JAKMIP1: variants seen among roughly 807,000 people sequenced by gnomAD.
JAKMIP1 encodes the protein janus kinase and microtubule interacting protein 1.
JAKMIP1 carries 33 observed loss-of-function variants against 113.0 expected under a neutral mutation model. The observed-to-expected ratio is 0.29, with a 90% CI of 0.22 to 0.39. The LOEUF is 0.39. Among genes scored for constraint, JAKMIP1 ranks in the 10% least tolerant of loss-of-function variants. The pLI is 1.00. For synonymous variants in JAKMIP1, 480 were observed against 459.9 expected (o/e 1.04, Z -0.56); for missense variants, 813 against 1,080.5 (o/e 0.75, Z 3.47).
In JAKMIP1 at chr4:6,126,193, A is replaced by G. The variant is rs528266566; in HGVS notation, c.-147-13196T>C. Among the ~76,000 whole-genome samples, 6 of 150,476 alleles carry G rather than the reference A, an allele frequency of 4.0e-5. No homozygotes were observed. The East Asian group carries it at 9.9e-4, about 25-fold the overall frequency. On this transcript the variant is annotated intron_variant, in intron 1 of 20. Coordinates refer to ENST00000409021, the MANE Select transcript of JAKMIP1 (RefSeq NM_001099433.2). ...GCAAACGCACACCATGCAGAAACAC[A>G]CATACACAAACACACACCATGCGGA...
Position 6,069,591 on chromosome 4 carries a change from G to T in JAKMIP1, c.1303-4583C>A, listed in dbSNP as rs1004446132. 3.3e-5 allele frequency among the ~76,000 whole-genome samples: 5 copies of T among 151,942 alleles called. No homozygotes were observed. Among genetic ancestry groups the T allele is most frequent in the Non-Finnish European group, 5.9e-5 (4 of 67,976 alleles). ...TAGTGAGAATCCATCTCTACAAAAA[G>T]TTATTTAAAAAGTTAGCCGAGTATG... is the stretch of plus-strand genomic sequence containing the variant. On this transcript the variant is annotated intron_variant, in intron 8 of 20. Coordinates refer to ENST00000409021, the MANE Select transcript of JAKMIP1 (RefSeq NM_001099433.2). This position sits in a 1 kb window ranked among gnomAD's most constrained non-coding sequence, Gnocchi z 4.5.
Position 6,088,236 on chromosome 4 carries a change from C to T in JAKMIP1, c.625-2607G>A, listed in dbSNP as rs917818911. ...GCAATAAACATAATAAATAAGCAGACATTGTAGTGATTGAGAGTGATTTGT... is the reference window on the plus strand; with the variant it reads ...GCAATAAACATAATAAATAAGCAGATATTGTAGTGATTGAGAGTGATTTGT... On this transcript the variant is annotated intron_variant, in intron 3 of 20. Coordinates refer to ENST00000409021, the MANE Select transcript of JAKMIP1 (RefSeq NM_001099433.2). This position sits in a 1 kb window ranked among gnomAD's most constrained non-coding sequence, Gnocchi z 5.5. 7.2e-5 allele frequency among the ~76,000 whole-genome samples: 11 copies of T among 152,070 alleles called. No homozygotes were observed. Among genetic ancestry groups the T allele is most frequent in the Admixed American group, 2.0e-4 (3 of 15,258 alleles).
Position 6,084,826 on chromosome 4 carries a change from T to C in JAKMIP1, c.954+20A>G, listed in dbSNP as rs1336294056. On this transcript the variant is annotated intron_variant, in intron 5 of 20. Coordinates refer to ENST00000409021, the MANE Select transcript of JAKMIP1 (RefSeq NM_001099433.2). Reference sequence around the variant, plus strand: ...TCCTTGCACCCTATGAGGCACCGCCTGTCTCTTGGGGCTACTTACCAGTTC... The same window carrying C: ...TCCTTGCACCCTATGAGGCACCGCCCGTCTCTTGGGGCTACTTACCAGTTC... The C allele has an allele frequency of 1.9e-6, 3 of 1,607,372 alleles. No homozygotes were observed. Among genetic ancestry groups the C allele is most frequent in the African/African-American group, 2.7e-5 (2 of 74,446 alleles).
At position 6,157,523 on chromosome 4, in the gene JAKMIP1, T is replaced by C. The variant is rs1382987330; in HGVS notation, c.-148+42730A>G. On this transcript the variant is annotated intron_variant, in intron 1 of 20. Transcript: ENST00000409021. This position sits in a 1 kb window ranked among gnomAD's most constrained non-coding sequence, Gnocchi z 4.7. ...TCAGCGTACACTTTCCGTAACACCTTTTTTGACTAAGAATCCATCATTTTC... is the reference window on the plus strand; with the variant it reads ...TCAGCGTACACTTTCCGTAACACCTCTTTTGACTAAGAATCCATCATTTTC... Among the ~76,000 whole-genome samples the C allele has an allele frequency of 6.6e-6, 1 of 152,216 alleles. No individual in the cohort carries two copies. The highest frequency in any genetic ancestry group is 2.4e-5 in the African/African-American group (1 of 41,460).
intron 17 of JAKMIP1, among the ~76,000 whole-genome samples, chr4:6,041,240 G>A (rs1034682357): frequency 2.0e-5 from 3 of 152,166 alleles, no homozygotes; most frequent in Admixed American, 1.3e-4. Context: ...TGACTGATTT[G>A]AGGGTTTCAG....
chr4:6,118,261 G>C (rs1238503262), intron 1 of JAKMIP1, among the ~76,000 whole-genome samples: 2 of 152,156 alleles, frequency 1.3e-5, no homozygotes, highest in East Asian at 3.9e-4. Context: ...CTCCGTTTGG[G>C]GTCCCTGACT....
At chr4:6,079,458 TTTTCTAGAA>T (rs1295805380) in intron 7 of JAKMIP1, among the ~76,000 whole-genome samples, 3 of 152,092 alleles carry the variant, frequency 2.0e-5, no homozygotes, top group African/African-American at 7.2e-5. Context: ...AATCAAAGCC[TTTTCTAGAA>T]TTTTGATCAC....
intron 1 of JAKMIP1, among the ~76,000 whole-genome samples, chr4:6,113,963 A>G (rs1715348677): frequency 1.3e-5 from 2 of 152,216 alleles, no homozygotes; most frequent in Non-Finnish European, 2.9e-5. Context: ...CAGAAGAGTC[A>G]TGAGGCACCC....
chr4:6,190,727 G>A (rs754270841), intron 1 of JAKMIP1, among the ~76,000 whole-genome samples: 13 of 152,222 alleles, frequency 8.5e-5, no homozygotes, highest in Non-Finnish European at 1.5e-4. Flanking sequence ...TTGCCCCCCG[G>A]CATCTCTCCA....
In JAKMIP1 at chr4:6,137,858, C is replaced by A. The variant is rs938601005; in HGVS notation, c.-147-24861G>T. Among the ~76,000 whole-genome samples the A allele has an allele frequency of 6.6e-6, 1 of 152,248 alleles. No individual in the cohort carries two copies. The highest frequency in any genetic ancestry group is 2.4e-5 in the African/African-American group (1 of 41,474). On this transcript the variant is annotated intron_variant, in intron 1 of 20. Coordinates refer to ENST00000409021, the MANE Select transcript of JAKMIP1 (RefSeq NM_001099433.2). The surrounding 1 kb of genome is among the most constrained non-coding windows in gnomAD (Gnocchi z 4.5). ...GCCTGGCAGACAAGGTGTGCTCTGG[C>A]GTTGGGGGTCCAACCATGGCCTTCT...
In JAKMIP1 at chr4:6,193,860, T is replaced by G. The variant is rs1330086781; in HGVS notation, c.-148+6393A>C. ...AAGAAAATGTTAACACCCTGAGCAC[T>G]GCTTCCAACACCAGCCGCAAAGGTG... On this transcript the variant is annotated intron_variant, in intron 1 of 20. Transcript: ENST00000409021. This position sits in a 1 kb window ranked among gnomAD's most constrained non-coding sequence, Gnocchi z 6.4. 6.6e-6 allele frequency among the ~76,000 whole-genome samples: 1 copy of G among 152,144 alleles called. No homozygotes were observed. The highest frequency in any genetic ancestry group is 1.5e-5 in the Non-Finnish European group (1 of 68,028).
rs761636650 is a variant in JAKMIP1, at chr4:6,081,798, C to T, written c.955-43G>A. ...CACAGAGGCTCAGACAACTTGACGA[C>T]GGACGGCCGAGGTCACAGCACCGAG... On this transcript the variant is annotated intron_variant, in intron 5 of 20. Coordinates refer to ENST00000409021, the MANE Select transcript of JAKMIP1 (RefSeq NM_001099433.2). The surrounding 1 kb of genome is among the most constrained non-coding windows in gnomAD (Gnocchi z 4.6). 18 of 1,611,838 alleles carry T rather than the reference C, an allele frequency of 1.1e-5. No homozygotes were observed. The highest frequency in any genetic ancestry group is 1.6e-4 in the Middle Eastern group (1 of 6,072).
At chr4:6,074,042 C>T (rs1719346129) in intron 8 of JAKMIP1, among the ~76,000 whole-genome samples, 1 of 152,260 alleles carries the variant, frequency 6.6e-6, no homozygotes. Flanking sequence ...CTCCTCCAAC[C>T]TCTCCTTTGG....
chr4:6,195,497 C>A (rs934657135), intron 1 of JAKMIP1, among the ~76,000 whole-genome samples: 4 of 152,092 alleles, frequency 2.6e-5, no homozygotes, highest in African/African-American at 7.2e-5. Context: ...GAATTGTCAA[C>A]AAATTTTTGA....
rs1016741458 is a variant in JAKMIP1, at chr4:6,137,833, G to A, written c.-147-24836C>T. Among the ~76,000 whole-genome samples, 1 of 152,254 alleles carries A rather than the reference G, an allele frequency of 6.6e-6. No individual in the cohort carries two copies. Among genetic ancestry groups the A allele is most frequent in the African/African-American group, 2.4e-5 (1 of 41,470 alleles). On this transcript the variant is annotated intron_variant, in intron 1 of 20. Coordinates refer to ENST00000409021, the MANE Select transcript of JAKMIP1 (RefSeq NM_001099433.2). The surrounding 1 kb of genome is among the most constrained non-coding windows in gnomAD (Gnocchi z 4.5). ...ACAAGGTGCCCACTGGCTGGCATGG[G>A]CCTGGCAGACAAGGTGTGCTCTGGC...
Position 6,064,927 on chromosome 4 carries a change from C to T in JAKMIP1, c.1384G>A (p.Asp462Asn), listed in dbSNP as rs1041829125. 2 of 1,614,038 alleles carry T rather than the reference C, an allele frequency of 1.2e-6. No individual in the cohort carries two copies. The highest frequency in any genetic ancestry group is 8.5e-7 in the Non-Finnish European group (1 of 1,180,048). ...GTGGCTGGGGTCCTGTCTGTCCTGT[C>T]TGTGTTGTAGGATGTTTCGGACAAC... Reference protein sequence around the residue: ...ETLSETSYNTDRTDRTPATPE... With the variant: ...ETLSETSYNTNRTDRTPATPE... Residue 462 changes from aspartate (D) to asparagine (N), a missense_variant, in exon 9 of 21, where the codon GAC (aspartate) becomes AAC (asparagine). Asp to Asn is a conservative substitution (Grantham distance 23, BLOSUM62 1). Around this residue, in one of 2 missense-constraint regions of JAKMIP1, gnomAD observed 540 missense variants for 653.9 expected, o/e 0.83. Coordinates refer to ENST00000409021, the MANE Select transcript of JAKMIP1 (RefSeq NM_001099433.2). This position sits in a 1 kb window ranked among gnomAD's most constrained non-coding sequence, Gnocchi z 4.3.
intron 19 of JAKMIP1, among the ~76,000 whole-genome samples, chr4:6,029,987 C>A (rs1345923356): frequency 1.3e-5 from 2 of 152,152 alleles, no homozygotes; most frequent in Non-Finnish European, 2.9e-5. Context: ...AGGCCTTGGT[C>A]CCCCGGCTCA....
At chr4:6,164,364 C>T (rs546983977) in intron 1 of JAKMIP1, among the ~76,000 whole-genome samples, 129 of 152,262 alleles carry the variant, frequency 8.5e-4, no homozygotes, top group African/African-American at 2.8e-3. Flanking sequence ...TTTAAACCCA[C>T]TGTTGAGACC....
chr4:6,027,330 C>T (rs909682082), intron 20 of JAKMIP1, among the ~76,000 whole-genome samples: 3 of 152,222 alleles, frequency 2.0e-5, no homozygotes, highest in South Asian at 2.1e-4. Context: ...AACTTCTAAA[C>T]GAGGTGTAGG....
Sources: allele counts gnomAD v4.1 joint callset (sites outside exome capture counted in the v4.1 genomes callset), GRCh38; gene constraint gnomAD v4.1.1; regional missense constraint gnomAD v4.1.1; non-coding constraint Gnocchi (gnomAD v3.1); transcripts MANE v1.5; gene names NCBI Gene and HGNC (gene_info 2026-07-23, HGNC 2026-07-21).